The following TVP23A variants were observed in gnomAD, a reference collection of about 807,000 sequenced individuals.
TVP23A encodes trans-golgi network vesicle protein 23 homolog A.
A neutral mutation model predicts 31.7 loss-of-function variants in TVP23A; 21 were observed. The observed-to-expected ratio is 0.66, with a 90% CI of 0.47 to 0.95. The LOEUF (loss-of-function observed/expected upper bound fraction) is 0.95. TVP23A is among the 40% of genes least tolerant of loss of function. The pLI is 0.00. For synonymous variants in TVP23A, 104 were observed against 96.0 expected, an observed-to-expected ratio of 1.08 and a Z score of -0.49; for missense variants, 279 against 255.6, an observed-to-expected ratio of 1.09 and a Z score of -0.62.
chr16:10,806,460 T>G (rs1422847060), intron 2 of TVP23A, among the ~76,000 whole-genome samples: 1 of 152,190 alleles, frequency 6.6e-6, no homozygotes, highest in Admixed American at 6.5e-5. Context: ...CCAGATTATG[T>G]GGGTCACAGG....
rs1194782719 is a variant in TVP23A, at chr16:10,818,092, T to G, written c.89+11A>C. The stretch of plus-strand genomic sequence containing the variant: ...TGGGGAACGCCTGACCCAAGCTCCA[T>G]CCCAACACACCTGATCTTGGCTTTC... On this transcript the variant is annotated intron_variant, in intron 2 of 7. Coordinates refer to ENST00000299866, the MANE Select transcript of TVP23A (RefSeq NM_001079512.4). The surrounding 1 kb of genome is among the most constrained non-coding windows in gnomAD (Gnocchi z 4.7). The G allele has an allele frequency of 6.2e-7, 1 of 1,604,152 alleles. No individual in the cohort carries two copies. Among genetic ancestry groups the G allele is most frequent in the Non-Finnish European group, 8.5e-7 (1 of 1,175,078 alleles).
At chr16:10,757,480 G>A (rs535971792), downstream of TVP23A, among the ~76,000 whole-genome samples, 1 of 151,256 alleles carries the variant, frequency 6.6e-6, no homozygotes, top group African/African-American at 2.4e-5. The surrounding 1 kb of genome is among the most constrained non-coding windows in gnomAD (Gnocchi z 4.1). Flanking sequence ...GTCTTTGTTG[G>A]GGGGAGGAGT....
chr16:10,776,575 CA>C (rs1256707547), intron 2 of TVP23A, among the ~76,000 whole-genome samples: 2 of 152,062 alleles, frequency 1.3e-5, no homozygotes, highest in East Asian at 3.9e-4. Context: ...GGCACGAGCC[CA>C]GTTGTTATAC....
At chr16:10,814,594 A>G (rs1466007685) in intron 2 of TVP23A, among the ~76,000 whole-genome samples, 2 of 142,758 alleles carry the variant, frequency 1.4e-5, no homozygotes, top group African/African-American at 6.1e-5. Flanking sequence ...CCAACAACCC[A>G]GCCTCCATCA....
downstream of TVP23A, chr16:10,766,658 T>C (rs1371283145): frequency 3.5e-6 from 1 of 283,852 alleles, no homozygotes; most frequent in Non-Finnish European, 6.5e-6. This position sits in a 1 kb window ranked among gnomAD's most constrained non-coding sequence, Gnocchi z 4.8. Flanking sequence ...AACAAAAAAT[T>C]GGACAAAACG....
intron 2 of TVP23A, among the ~76,000 whole-genome samples, chr16:10,787,208 T>C (rs2032813550): frequency 6.6e-6 from 1 of 152,182 alleles, no homozygotes; most frequent in African/African-American, 2.4e-5. Context: ...CCCTTTTTGA[T>C]ATAGGAGTTA....
At chr16:10,783,074 T>G (rs537242600) in intron 2 of TVP23A, among the ~76,000 whole-genome samples, 2 of 151,650 alleles carry the variant, frequency 1.3e-5, no homozygotes, top group Non-Finnish European at 2.9e-5. Flanking sequence ...TTTCTTGGAG[T>G]GGGTGAGGGG....
chr16:10,802,141 G>A (rs2033724453), intron 2 of TVP23A, among the ~76,000 whole-genome samples: 1 of 150,866 alleles, frequency 6.6e-6, no homozygotes, highest in African/African-American at 2.4e-5. Flanking sequence ...CACACAACTA[G>A]GAAGACTCAG....
intron 2 of TVP23A, among the ~76,000 whole-genome samples, chr16:10,793,341 A>G (rs2033208154): frequency 6.6e-6 from 1 of 152,130 alleles, no homozygotes; most frequent in Admixed American, 6.5e-5. Context: ...CTCAGCATCA[A>G]AATGAAAGTG....
At chr16:10,762,622 T>A (rs922251281), downstream of TVP23A, among the ~76,000 whole-genome samples, 4 of 151,950 alleles carry the variant, frequency 2.6e-5, no homozygotes, top group Admixed American at 6.5e-5. Flanking sequence ...CGCCTTTAGG[T>A]CTGAGGGGAG....
chr16:10,757,809 G>C, downstream of TVP23A: 2 of 1,560,678 alleles, frequency 1.3e-6, no homozygotes, highest in Non-Finnish European at 1.7e-6. This position sits in a 1 kb window ranked among gnomAD's most constrained non-coding sequence, Gnocchi z 4.1. Context: ...AAAAAAAAAA[G>C]AGGGAGTTGA....
At chr16:10,786,546 CA>C (rs1329645060) in intron 2 of TVP23A, among the ~76,000 whole-genome samples, 17 of 152,268 alleles carry the variant, frequency 1.1e-4, no homozygotes, top group African/African-American at 4.1e-4. Context: ...CTCTTTCAGA[CA>C]CTCTGGAAAC....
At chr16:10,770,895 A>AAAAAAAAAAAAAAAAAAAAAAAAAAAAAC in intron 6 of TVP23A, among the ~76,000 whole-genome samples, 1 of 149,870 alleles carries the variant, frequency 6.7e-6, no homozygotes, top group African/African-American at 2.5e-5. Flanking sequence ...AAAAAAAAAA[A>AAAAAAAAAAAAAAAAAAAAAAAAAAAAAC]ATTGAAAAAC....
chr16:10,784,442 T>C (rs1401162914), intron 2 of TVP23A, among the ~76,000 whole-genome samples: 1 of 150,566 alleles, frequency 6.6e-6, no homozygotes, highest in Non-Finnish European at 1.5e-5. Flanking sequence ...ACGCCTACAG[T>C]CTCAGCTACT....
chr16:10,796,803 G>A (rs190994249), intron 2 of TVP23A, among the ~76,000 whole-genome samples: 26 of 152,254 alleles, frequency 1.7e-4, no homozygotes, highest in African/African-American at 4.1e-4. Context: ...TTTCAGTTAC[G>A]ACTCAAATGA....
At chr16:10,770,436 G>C in intron 6 of TVP23A, 105 bp from the exon 7 acceptor site, 2 of 1,294,460 alleles carry the variant, frequency 1.5e-6, no homozygotes, top group South Asian at 2.9e-5. Flanking sequence ...AAAACCTGCG[G>C]AATTGGTTGC....
chr16:10,789,830 CAAA>C (rs556556720), intron 2 of TVP23A, among the ~76,000 whole-genome samples: 1 of 88,454 alleles, frequency 1.1e-5, no homozygotes. Flanking sequence ...GACTCTGTCT[CAAA>C]AAAAAAAAAA....
intron 2 of TVP23A, among the ~76,000 whole-genome samples, chr16:10,785,231 C>T (rs1217734300): frequency 6.6e-6 from 1 of 152,170 alleles, no homozygotes; most frequent in Non-Finnish European, 1.5e-5. Context: ...ATGGTGAAAC[C>T]TGCCTCTATT....
chr16:10,784,836 C>T (rs1301608788), intron 2 of TVP23A, among the ~76,000 whole-genome samples: 5 of 152,154 alleles, frequency 3.3e-5, no homozygotes, highest in African/African-American at 1.2e-4. Flanking sequence ...TGTGGTGGCT[C>T]ACACCTATAA....
Sources: allele counts gnomAD v4.1 joint callset (sites outside exome capture counted in the v4.1 genomes callset), GRCh38; gene constraint gnomAD v4.1.1; non-coding constraint Gnocchi (gnomAD v3.1); transcripts MANE v1.5; gene names NCBI Gene and HGNC (gene_info 2026-07-23, HGNC 2026-07-21).